The following CCDC171 variants were observed in gnomAD, a reference collection of about 807,000 sequenced individuals.
CCDC171 encodes coiled-coil domain-containing protein 171.
A neutral mutation model predicts 168.2 loss-of-function variants in CCDC171; 177 were observed. The ratio of observed to expected loss-of-function variants is 1.05; its 90% CI spans 0.93 to 1.19. The LOEUF (loss-of-function observed/expected upper bound fraction) is 1.19. Among genes scored for constraint, CCDC171 ranks in the 50% most tolerant of loss-of-function variants. CCDC171 has a pLI of 0.00. For synonymous variants in CCDC171, 687 were observed against 540.8 expected (o/e 1.27, Z -3.75); for missense variants, 1,991 against 1,539.0 (o/e 1.29, Z -4.91).
At chr9:15,633,887 A>C (rs1197619060) in intron 7 of CCDC171, among the ~76,000 whole-genome samples, 2 of 152,220 alleles carry the variant, frequency 1.3e-5, no homozygotes, top group African/African-American at 2.4e-5. Context: ...ACATGGATGA[A>C]ATTGGAAATC....
intron 7 of CCDC171, among the ~76,000 whole-genome samples, chr9:15,634,484 C>T (rs910059637): frequency 1.3e-5 from 2 of 152,136 alleles, no homozygotes; most frequent in Middle Eastern, 3.2e-3. Flanking sequence ...CTTCCTCTCT[C>T]TCCATGTGTA....
chr9:15,762,839 C>T (rs759062348), intron 18 of CCDC171, among the ~76,000 whole-genome samples: 68 of 152,110 alleles, frequency 4.5e-4, no homozygotes, highest in Non-Finnish European at 7.2e-4. Context: ...CTTCTCTGTC[C>T]CTTTAGTTTT....
intron 24 of CCDC171, among the ~76,000 whole-genome samples, chr9:15,903,346 T>C (rs2987048): frequency 0.86 from 130,233 of 152,030 alleles, 55,857 homozygotes; most frequent in East Asian, 0.96. Flanking sequence ...TCCAGAGGAA[T>C]GATCAGGCGG....
At chr9:16,074,944 G>T in the CCDC171 span, among the ~76,000 whole-genome samples, 1 of 152,152 alleles carries the variant, frequency 6.6e-6, no homozygotes, top group African/African-American at 2.4e-5. Flanking sequence ...TAAATCATTT[G>T]TGCTTTTGGA....
chr9:16,104,450 A>G, the CCDC171 span, among the ~76,000 whole-genome samples: 1 of 151,890 alleles, frequency 6.6e-6, no homozygotes, highest in Non-Finnish European at 1.5e-5. Flanking sequence ...CTTTGGCTGT[A>G]CTTTTTGGCC....
intron 23 of CCDC171, among the ~76,000 whole-genome samples, chr9:15,869,866 A>G (rs918678174): frequency 6.6e-5 from 10 of 151,810 alleles, no homozygotes; most frequent in Admixed American, 6.6e-5. Flanking sequence ...ACTCACTAGA[A>G]ATTGTTTGTA....
intron 23 of CCDC171, among the ~76,000 whole-genome samples, chr9:15,863,245 G>A (rs1460373310): frequency 6.6e-6 from 1 of 151,974 alleles, no homozygotes; most frequent in Non-Finnish European, 1.5e-5. Flanking sequence ...TGCTGTGCTG[G>A]GAGTGGGGAT....
At chr9:15,632,852 C>G (rs114749042) in intron 7 of CCDC171, among the ~76,000 whole-genome samples, 88 of 152,278 alleles carry the variant, frequency 5.8e-4, no homozygotes, top group African/African-American at 2.0e-3. Flanking sequence ...GAACAGAGCA[C>G]TCTGAAATAA....
At chr9:15,744,230 T>C in intron 16 of CCDC171, 43 bp from the exon 17 acceptor site, 1 of 1,469,190 alleles carries the variant, frequency 6.8e-7, no homozygotes, top group Non-Finnish European at 9.1e-7. Context: ...ATATAATGCC[T>C]GTTTGTTTCA....
chr9:15,757,095 T>A (rs1254334798), intron 18 of CCDC171, among the ~76,000 whole-genome samples: 1 of 151,970 alleles, frequency 6.6e-6, no homozygotes, highest in Non-Finnish European at 1.5e-5. Flanking sequence ...TACCTGAAAA[T>A]GTGGAAAGAT....
intron 11 of CCDC171, among the ~76,000 whole-genome samples, chr9:15,699,468 T>C (rs1232680590): frequency 6.6e-6 from 1 of 152,086 alleles, no homozygotes; most frequent in Non-Finnish European, 1.5e-5. Flanking sequence ...TTTATTCTCT[T>C]ATCCGGCCCC....
At chr9:16,098,788 C>A in the CCDC171 span, among the ~76,000 whole-genome samples, 1 of 152,308 alleles carries the variant, frequency 6.6e-6, no homozygotes, top group Non-Finnish European at 1.5e-5. Context: ...AATATTCCCC[C>A]TTTGAAGAAA....
chr9:15,969,832 A>C (rs188331770), intron 25 of CCDC171, among the ~76,000 whole-genome samples: 1 of 152,280 alleles, frequency 6.6e-6, no homozygotes, highest in East Asian at 1.9e-4. Flanking sequence ...CACTGCTAAA[A>C]AATGATTCTA....
chr9:15,874,625 G>C lies in CCDC171; in HGVS notation c.3562G>C (p.Glu1188Gln), dbSNP rs147216247. ...PKLHLETFAM[E>Q]GLKGGPEVVA... is the part of the protein sequence containing the mutation. ...ACTGCACCTGGAGACCTTTGCAATG[G>C]AGGGGCTCAAGGGCGGGCCAGAGGT... Residue 1188 changes from glutamate (E) to glutamine (Q), a missense_variant, in exon 24 of 26, where the codon GAG becomes CAG. Glu to Gln is a conservative substitution (Grantham distance 29). Coordinates refer to ENST00000380701, the MANE Select transcript of CCDC171 (RefSeq NM_173550.4). The C allele has an allele frequency of 1.6e-5, 25 of 1,605,410 alleles. No individual in the cohort carries two copies. The African/African-American group carries it at 2.7e-4, about 17-fold the overall frequency.
chr9:15,889,667 T>G (rs1030984857), intron 24 of CCDC171, among the ~76,000 whole-genome samples: 1 of 152,218 alleles, frequency 6.6e-6, no homozygotes, highest in Non-Finnish European at 1.5e-5. Context: ...CTCTGAGGCA[T>G]TATTTTTTGG....
intron 3 of CCDC171, among the ~76,000 whole-genome samples, chr9:16,009,779 G>A (rs1832812657): frequency 1.3e-5 from 2 of 152,084 alleles, no homozygotes; most frequent in African/African-American, 4.8e-5. Flanking sequence ...TTATTTGGAA[G>A]GGAAATGGAA....
chr9:15,882,389 T>A (rs1194582301), intron 24 of CCDC171, among the ~76,000 whole-genome samples: 1 of 152,146 alleles, frequency 6.6e-6, no homozygotes, highest in African/African-American at 2.4e-5. Flanking sequence ...ATGCTGTGGG[T>A]TGTCTCTTCA....
chr9:15,874,453 T>A, intron 23 of CCDC171, 79 bp from the exon 24 acceptor site: 1 of 1,274,446 alleles, frequency 7.8e-7, no homozygotes. Flanking sequence ...GTCCACTCAG[T>A]GGGCTCAAGG....
At chr9:15,803,701 C>G (rs540322890) in intron 21 of CCDC171, among the ~76,000 whole-genome samples, 2 of 152,054 alleles carry the variant, frequency 1.3e-5, no homozygotes, top group East Asian at 3.9e-4. Flanking sequence ...AGCATGATAC[C>G]TCCAGTTTTC....
Sources: allele counts gnomAD v4.1 joint callset (sites outside exome capture counted in the v4.1 genomes callset), GRCh38; gene constraint gnomAD v4.1.1; transcripts MANE v1.5; gene names NCBI Gene and HGNC (gene_info 2026-07-23, HGNC 2026-07-21).